Variants in PEAK1 observed in about 807,000 individuals in gnomAD.
The protein encoded by PEAK1 is inactive tyrosine-protein kinase PEAK1.
In PEAK1, 54 loss-of-function variants were observed where a neutral mutation model predicts 124.7. That is an observed-to-expected ratio of 0.43 (90% CI 0.35 to 0.54). The LOEUF (loss-of-function observed/expected upper bound fraction) is 0.54, where lower values mean the gene tolerates loss of function less well. Ranked by LOEUF, PEAK1 falls within the 20% of genes least tolerant of loss-of-function variation. PEAK1 has a pLI of 0.01. For synonymous variants in PEAK1, 719 were observed against 760.0 expected (o/e 0.95, Z 0.89); for missense variants, 2,046 against 2,134.5 (o/e 0.96, Z 0.82).
intron 6 of PEAK1, among the ~76,000 whole-genome samples, chr15:77,228,192 T>C (rs1380890814): frequency 6.6e-6 from 1 of 152,178 alleles, no homozygotes; most frequent in Non-Finnish European, 1.5e-5. Flanking sequence ...TGTTTACATG[T>C]GCCATGTTGG....
At chr15:77,216,882 A>G (rs2059171331) in intron 6 of PEAK1, among the ~76,000 whole-genome samples, 1 of 152,184 alleles carries the variant, frequency 6.6e-6, no homozygotes, top group Non-Finnish European at 1.5e-5. Context: ...GAGATCCTGA[A>G]GCGTTTCTTC....
Position 77,365,163 on chromosome 15 carries a change from C to T in PEAK1, c.-603G>A, listed in dbSNP as rs2068137970. On this transcript the variant is annotated splice_region_variant and 5_prime_UTR_variant, in exon 2 of 10. Transcript: ENST00000682557. The stretch of plus-strand genomic sequence containing the variant: ...CAAATGAATTCATAAATTATCTCAC[C>T]TTTGGTTTTTAGATAAACCACAAAG... The T allele has an allele frequency of 1.0e-6, 1 of 955,104 alleles. No individual in the cohort carries two copies. Among genetic ancestry groups the T allele is most frequent in the Non-Finnish European group, 1.2e-6 (1 of 802,610 alleles). The allele number at this position is 955,104 out of a possible 1,614,324, so 59.2% of individuals were successfully genotyped here.
At chr15:77,363,055 C>G (rs1157031995) in intron 2 of PEAK1, among the ~76,000 whole-genome samples, 1 of 152,042 alleles carries the variant, frequency 6.6e-6, no homozygotes, top group Non-Finnish European at 1.5e-5. Flanking sequence ...AGGGTTTCAC[C>G]ATGTTGGCCG....
chr15:77,334,753 C>T, intron 2 of PEAK1: 1 of 985,326 alleles, frequency 1.0e-6, no homozygotes, highest in Non-Finnish European at 1.2e-6. Flanking sequence ...TACATTTTAT[C>T]TCCTGACCTG....
intron 5 of PEAK1, among the ~76,000 whole-genome samples, chr15:77,281,116 C>T (rs116953265): frequency 0.011 from 1,716 of 151,942 alleles, 17 homozygotes; most frequent in Non-Finnish European, 0.014. Flanking sequence ...TGCAATGAGC[C>T]GAGATTCGCC....
intron 2 of PEAK1, chr15:77,332,455 C>T (rs536542849): frequency 5.5e-6 from 1 of 183,384 alleles, no homozygotes; most frequent in East Asian, 1.9e-4. Flanking sequence ...AAAAAATTAG[C>T]CAGGTGTGGT....
At chr15:77,369,374 G>C (rs972653902) in intron 1 of PEAK1, among the ~76,000 whole-genome samples, 5 of 152,120 alleles carry the variant, frequency 3.3e-5, no homozygotes, top group Non-Finnish European at 7.3e-5. Flanking sequence ...CAACCTATGA[G>C]TCGTCACTGA....
At chr15:77,403,740 C>G (rs1054322354) in intron 1 of PEAK1, 1 of 961,566 alleles carries the variant, frequency 1.0e-6, no homozygotes. Context: ...CTTACAGGAA[C>G]AAAATAAAGC....
At chr15:77,105,549 C>G (rs1332440194), downstream of PEAK1, 1 of 152,218 alleles carries the variant, frequency 6.6e-6, no homozygotes, top group East Asian at 1.9e-4. Flanking sequence ...TTGCCTTGAG[C>G]TGCTCTTAAC....
rs111464105 is a variant in PEAK1 at position 77,184,508 on chromosome 15, A to G, written c.-114-2468T>C. On this transcript the variant is annotated intron_variant, in intron 6 of 9. Transcript: ENST00000682557. Reference sequence around the variant, plus strand: ...AATAAAAACTTTTGTTTACACTAAAACCAATACACAAAGGTTTACAGCCAA... The same window carrying G: ...AATAAAAACTTTTGTTTACACTAAAGCCAATACACAAAGGTTTACAGCCAA... 2.2e-3 allele frequency among the ~76,000 whole-genome samples: 333 copies of G among 152,336 alleles called. 1 individual carries two copies. The highest frequency in any genetic ancestry group is 7.9e-3 in the African/African-American group (329 of 41,574).
chr15:77,285,112 A>G (rs1358774029), intron 3 of PEAK1, 57 bp from the exon 4 acceptor site: 1 of 151,858 alleles, frequency 6.6e-6, no homozygotes, highest in Non-Finnish European at 1.5e-5. Context: ...GTCAATAGAC[A>G]TGGGTTTACA....
At chr15:77,158,455 C>T (rs1450242836) in intron 8 of PEAK1, 48 bp downstream of exon 8, 3 of 1,537,908 alleles carry the variant, frequency 2.0e-6, no homozygotes, top group Non-Finnish European at 2.7e-6. Context: ...TTGGCTAGTA[C>T]AGAAAAAGGC....
At chr15:77,351,993 G>T in intron 2 of PEAK1, 2 of 970,284 alleles carry the variant, frequency 2.1e-6, no homozygotes, top group Non-Finnish European at 2.5e-6. Context: ...GGCCAAGGCG[G>T]GAGTATAGCT....
intron 6 of PEAK1, among the ~76,000 whole-genome samples, chr15:77,247,760 T>C (rs11639314): frequency 0.5 from 76,444 of 151,928 alleles, 21,587 homozygotes; most frequent in Middle Eastern, 0.68. Flanking sequence ...ATTTAATTTA[T>C]TGATATGGTG....
intron 2 of PEAK1, among the ~76,000 whole-genome samples, chr15:77,308,087 C>T (rs1032784051): frequency 2.0e-5 from 3 of 152,010 alleles, no homozygotes; most frequent in Non-Finnish European, 4.4e-5. Flanking sequence ...TAAGAATTAA[C>T]ACGGCACAAT....
intron 2 of PEAK1, among the ~76,000 whole-genome samples, chr15:77,305,470 G>T (rs1472861805): frequency 6.6e-6 from 1 of 152,118 alleles, no homozygotes; most frequent in South Asian, 2.1e-4. Flanking sequence ...TCTATAAAGA[G>T]GGGTGGAAAG....
At chr15:77,101,690 G>C (rs1284200996) in exon 7 of PEAK1, 1 of 152,198 alleles carries the variant, frequency 6.6e-6, no homozygotes, top group Non-Finnish European at 1.5e-5. Context: ...GAAGGACCCT[G>C]GGGAGGAGGG....
intron 2 of PEAK1, chr15:77,348,848 C>A: frequency 1.1e-6 from 1 of 941,980 alleles, no homozygotes; most frequent in Non-Finnish European, 1.3e-6. Context: ...AACTGTGTTG[C>A]TCAGGCTGGT....
chr15:77,289,601 C>T (rs1198067485), intron 2 of PEAK1, among the ~76,000 whole-genome samples: 3 of 152,086 alleles, frequency 2.0e-5, no homozygotes, highest in Admixed American at 2.0e-4. Flanking sequence ...TTTGGGAGGC[C>T]GAGGCTGGCG....
Sources: allele counts gnomAD v4.1 joint callset (sites outside exome capture counted in the v4.1 genomes callset), GRCh38; gene constraint gnomAD v4.1.1; transcripts MANE v1.5; gene names NCBI Gene and HGNC (gene_info 2026-07-23, HGNC 2026-07-21).